Variants in RBMS3 observed in about 807,000 individuals in gnomAD.
The protein encoded by RBMS3 is RNA-binding motif, single-stranded-interacting protein 3.
A neutral mutation model predicts 66.8 loss-of-function variants in RBMS3; 27 were observed. The ratio of observed to expected loss-of-function variants is 0.40; its 90% confidence interval spans 0.30 to 0.56. The LOEUF is 0.56. Ranked by LOEUF, RBMS3 falls within the 20% of genes least tolerant of loss-of-function variation. The pLI is 0.40. For synonymous variants in RBMS3, 188 were observed against 183.0 expected, an observed-to-expected ratio of 1.03 and a Z score of -0.22; for missense variants, 513 against 549.5, an observed-to-expected ratio of 0.93 and a Z score of 0.66.
chr3:29,728,180 G>A (rs967444419), intron 4 of RBMS3, among the ~76,000 whole-genome samples: 10 of 151,896 alleles, frequency 6.6e-5, no homozygotes, highest in South Asian at 2.1e-4. Flanking sequence ...CACGGGGAGC[G>A]GAACATCACA....
chr3:29,510,106 G>A (rs924993561), intron 3 of RBMS3, among the ~76,000 whole-genome samples: 1 of 152,162 alleles, frequency 6.6e-6, no homozygotes, highest in Non-Finnish European at 1.5e-5. Context: ...CCATACTTTT[G>A]CAGATACACT....
chr3:29,931,462 A>T (rs1278210712), intron 10 of RBMS3, among the ~76,000 whole-genome samples: 2 of 152,204 alleles, frequency 1.3e-5, no homozygotes, highest in Admixed American at 1.3e-4. Flanking sequence ...CCTTTGCCAC[A>T]TCTTTTGAAT....
At chr3:29,693,237 A>G (rs1166810193) in intron 4 of RBMS3, among the ~76,000 whole-genome samples, 3 of 152,224 alleles carry the variant, frequency 2.0e-5, no homozygotes, top group East Asian at 3.8e-4. Flanking sequence ...TTGAAAATGC[A>G]TAATTGTGAT....
intron 3 of RBMS3, among the ~76,000 whole-genome samples, chr3:29,525,898 G>A (rs1404259611): frequency 1.3e-5 from 2 of 152,166 alleles, no homozygotes; most frequent in Admixed American, 6.5e-5. Flanking sequence ...TATCTCTGAA[G>A]TGTTGTTTTC....
At chr3:29,330,327 A>T (rs2035578217) in intron 1 of RBMS3, among the ~76,000 whole-genome samples, 1 of 152,110 alleles carries the variant, frequency 6.6e-6, no homozygotes, top group Non-Finnish European at 1.5e-5. Flanking sequence ...TTGTAATTCC[A>T]GTTAGGTTTG....
intron 3 of RBMS3, among the ~76,000 whole-genome samples, chr3:29,528,900 AT>A (rs2045242986): frequency 6.6e-6 from 1 of 151,304 alleles, no homozygotes; most frequent in South Asian, 2.1e-4. Context: ...CACCCAGCTA[AT>A]TTTTTTTCTT....
intron 4 of RBMS3, among the ~76,000 whole-genome samples, chr3:29,639,940 G>T (rs578108591): frequency 1.3e-5 from 2 of 151,808 alleles, no homozygotes; most frequent in Non-Finnish European, 2.9e-5. Flanking sequence ...AAAAAAGAAG[G>T]ATATCTGCTA....
intron 4 of RBMS3, among the ~76,000 whole-genome samples, chr3:29,610,673 T>A (rs2149132755): frequency 6.6e-6 from 1 of 152,202 alleles, no homozygotes; most frequent in South Asian, 2.1e-4. Context: ...TAGTAGATTG[T>A]GGATCTGTTA....
At chr3:29,891,916 C>T (rs776554558) in intron 8 of RBMS3, among the ~76,000 whole-genome samples, 2 of 151,326 alleles carry the variant, frequency 1.3e-5, no homozygotes, top group Admixed American at 1.3e-4. Context: ...AACAATATTG[C>T]CTGTGGACAT....
At chr3:29,495,582 A>G (rs2043717143) in intron 3 of RBMS3, among the ~76,000 whole-genome samples, 1 of 149,816 alleles carries the variant, frequency 6.7e-6, no homozygotes, top group Non-Finnish European at 1.5e-5. Flanking sequence ...TGCCCCATTA[A>G]TTTTTTTTTG....
At chr3:29,876,158 TGAA>T (rs1259404269) in intron 7 of RBMS3, among the ~76,000 whole-genome samples, 3 of 152,174 alleles carry the variant, frequency 2.0e-5, no homozygotes, top group African/African-American at 4.8e-5. Flanking sequence ...AGTAATTTCA[TGAA>T]GAAGGGCCTC....
intron 7 of RBMS3, among the ~76,000 whole-genome samples, chr3:29,877,212 A>G (rs1165469615): frequency 6.6e-6 from 1 of 152,168 alleles, no homozygotes. Context: ...AATAGTTGGG[A>G]TAAGAAAGTG....
At chr3:29,649,096 A>C (rs2050051028) in intron 4 of RBMS3, among the ~76,000 whole-genome samples, 1 of 152,186 alleles carries the variant, frequency 6.6e-6, no homozygotes, top group African/African-American at 2.4e-5. Flanking sequence ...AGGTTTTCAA[A>C]GTCTGTTACC....
chr3:29,314,286 A>G (rs1260225924), intron 1 of RBMS3, among the ~76,000 whole-genome samples: 1 of 151,686 alleles, frequency 6.6e-6, no homozygotes, highest in Non-Finnish European at 1.5e-5. Flanking sequence ...AACTTTGGTC[A>G]TTTCATTAAT....
Position 29,545,697 on chromosome 3 carries a change from T to C in RBMS3, c.308-41417T>C, listed in dbSNP as rs554364784. On this transcript the variant is annotated intron_variant, in intron 3 of 14. Transcript: ENST00000383767. ...ATAAAAGATGCTTCTTGCCTTCTTGTCTTTTTTTTGTTTTGTTTTGTTTTT... is the reference window on the plus strand; with the variant it reads ...ATAAAAGATGCTTCTTGCCTTCTTGCCTTTTTTTTGTTTTGTTTTGTTTTT... 1.6e-3 allele frequency among the ~76,000 whole-genome samples: 247 copies of C among 152,312 alleles called. 1 individual carries two copies. Among genetic ancestry groups the C allele is most frequent in the African/African-American group, 5.4e-3 (226 of 41,568 alleles).
rs149040250 is a variant in RBMS3, at chr3:29,508,731, G to T, written c.307+20232G>T. Among the ~76,000 whole-genome samples, 390 of 151,706 alleles carry T rather than the reference G, an allele frequency of 2.6e-3. 4 individuals carry two copies. The highest frequency in any genetic ancestry group is 9.2e-3 in the African/African-American group (379 of 41,358). On this transcript the variant is annotated intron_variant, in intron 3 of 14. Transcript: ENST00000383767. ...TATATACCCAGTTACGGGATTACTG[G>T]GTCAAATGGTATTTCTGGTTCTAGA...
intron 6 of RBMS3, among the ~76,000 whole-genome samples, chr3:29,771,218 A>G (rs1187562353): frequency 2.0e-5 from 3 of 152,042 alleles, no homozygotes; most frequent in Non-Finnish European, 4.4e-5. Context: ...ATTTTTCAGT[A>G]CAAAAAATAA....
chr3:29,425,651 AT>A (rs1240772373), intron 1 of RBMS3, among the ~76,000 whole-genome samples: 17 of 152,204 alleles, frequency 1.1e-4, no homozygotes, highest in Non-Finnish European at 2.4e-4. Context: ...AAATAAAAAA[AT>A]AAATAAAAAA....
intron 1 of RBMS3, among the ~76,000 whole-genome samples, chr3:29,327,581 C>G (rs1329120769): frequency 6.6e-6 from 1 of 152,112 alleles, no homozygotes; most frequent in Non-Finnish European, 1.5e-5. Flanking sequence ...ATAGCCTAGT[C>G]TAGCTGAGTT....
Sources: allele counts gnomAD v4.1 joint callset (sites outside exome capture counted in the v4.1 genomes callset), GRCh38; gene constraint gnomAD v4.1.1; transcripts MANE v1.5; gene names NCBI Gene and HGNC (gene_info 2026-07-23, HGNC 2026-07-21).